Variants in XKR9 observed in about 807,000 individuals in gnomAD.
XKR9 encodes XK-related protein 9.
XKR9 carries 32 observed loss-of-function variants against 32.0 expected under a neutral mutation model. The ratio of observed to expected loss-of-function variants is 1.00; its 90% confidence interval spans 0.76 to 1.34. The LOEUF (loss-of-function observed/expected upper bound fraction) is 1.34, where lower values mean the gene tolerates loss of function less well. XKR9 is among the 40% of genes most tolerant of loss of function. The probability of loss-of-function intolerance (pLI) is 0.00; values close to 1 mark genes in which losing one functional copy is unlikely to be tolerated. For synonymous variants in XKR9, 168 were observed against 143.4 expected, an observed-to-expected ratio of 1.17 and a Z score of -1.22; for missense variants, 546 against 429.7, an observed-to-expected ratio of 1.27 and a Z score of -2.39.
chr8:70,900,288 G>T, the XKR9 span, among the ~76,000 whole-genome samples: 3 of 152,116 alleles, frequency 2.0e-5, no homozygotes, highest in East Asian at 5.8e-4. Context: ...TGCAAAAATG[G>T]TGAATTAAAA....
the XKR9 span, among the ~76,000 whole-genome samples, chr8:70,900,175 C>T: frequency 3.9e-5 from 6 of 152,066 alleles, no homozygotes; most frequent in African/African-American, 1.4e-4. Context: ...TTACTTCCCA[C>T]TCCCAAACCC....
the XKR9 span, among the ~76,000 whole-genome samples, chr8:70,961,609 T>C: frequency 6.6e-6 from 1 of 152,236 alleles, no homozygotes; most frequent in Non-Finnish European, 1.5e-5. Context: ...AATATCTATA[T>C]ACATTTCTTT....
chr8:71,059,771 T>C, the XKR9 span, among the ~76,000 whole-genome samples: 2 of 152,192 alleles, frequency 1.3e-5, no homozygotes, highest in African/African-American at 4.8e-5. Context: ...TCCCCTACCC[T>C]GTACCCTTTT....
At chr8:70,697,337 T>G (rs904031017) in intron 3 of XKR9, among the ~76,000 whole-genome samples, 1 of 151,310 alleles carries the variant, frequency 6.6e-6, no homozygotes, top group African/African-American at 2.4e-5. Flanking sequence ...AGATAGCTCT[T>G]ATTATTTTGA....
intron 2 of XKR9, among the ~76,000 whole-genome samples, chr8:70,772,297 A>G (rs772169892): frequency 2.6e-5 from 4 of 152,228 alleles, no homozygotes; most frequent in Non-Finnish European, 4.4e-5. Flanking sequence ...ATCTCTGAAC[A>G]GAAGATTTGT....
At chr8:70,765,193 A>C (rs1586889296) in intron 2 of XKR9, among the ~76,000 whole-genome samples, 1 of 152,126 alleles carries the variant, frequency 6.6e-6, no homozygotes, top group Non-Finnish European at 1.5e-5. Context: ...GGTTGAACTA[A>C]TTTACACTCC....
chr8:70,691,240 C>T (rs1019260171), intron 3 of XKR9, among the ~76,000 whole-genome samples: 1 of 152,100 alleles, frequency 6.6e-6, no homozygotes, highest in Admixed American at 6.5e-5. Flanking sequence ...TGTCCTTTGC[C>T]CACTTTTTAA....
chr8:70,743,289 A>G (rs1371496619), intron 2 of XKR9, among the ~76,000 whole-genome samples: 9 of 152,052 alleles, frequency 5.9e-5, no homozygotes, highest in East Asian at 3.8e-4. Context: ...GTATTTTTAT[A>G]TATCATAAGC....
chr8:71,065,793 G>T, the XKR9 span, among the ~76,000 whole-genome samples: 1 of 152,120 alleles, frequency 6.6e-6, no homozygotes, highest in South Asian at 2.1e-4. Context: ...AAAATAAAGA[G>T]ATTTCAGCAA....
At chr8:70,956,539 G>T in the XKR9 span, among the ~76,000 whole-genome samples, 1 of 152,114 alleles carries the variant, frequency 6.6e-6, no homozygotes, top group Non-Finnish European at 1.5e-5. Context: ...ATTTCACTGG[G>T]GACCTTCCCC....
At chr8:70,767,379 AT>A (rs1363795855) in intron 2 of XKR9, among the ~76,000 whole-genome samples, 6 of 150,318 alleles carry the variant, frequency 4.0e-5, no homozygotes, top group African/African-American at 1.5e-4. Flanking sequence ...TTTGTAATTT[AT>A]TTGCGTAGAG....
intron 2 of XKR9, among the ~76,000 whole-genome samples, chr8:70,741,408 T>G (rs976274976): frequency 1.3e-5 from 2 of 152,220 alleles, no homozygotes; most frequent in African/African-American, 4.8e-5. Flanking sequence ...AAACCATTAG[T>G]GAAGTAAACT....
At chr8:70,986,240 G>T in the XKR9 span, among the ~76,000 whole-genome samples, 1 of 152,162 alleles carries the variant, frequency 6.6e-6, no homozygotes, top group Non-Finnish European at 1.5e-5. Context: ...TAACCTCTCT[G>T]TCTTAGCTTT....
chr8:70,802,044 C>T, the XKR9 span, among the ~76,000 whole-genome samples: 38 of 151,666 alleles, frequency 2.5e-4, 1 homozygote, highest in African/African-American at 8.9e-4. Flanking sequence ...TCACGCCATT[C>T]TCCTGCCTCA....
chr8:70,822,237 TA>T, the XKR9 span, among the ~76,000 whole-genome samples: 15 of 152,172 alleles, frequency 9.9e-5, no homozygotes, highest in Admixed American at 9.2e-4. Context: ...ACATAACATT[TA>T]TTTTTTTATC....
the XKR9 span, among the ~76,000 whole-genome samples, chr8:70,879,011 C>T: frequency 2.0e-5 from 3 of 152,182 alleles, no homozygotes; most frequent in African/African-American, 7.2e-5. Context: ...TCACTCAAAA[C>T]CGCATAACTA....
chr8:70,969,072 G>A, the XKR9 span, among the ~76,000 whole-genome samples: 1 of 152,150 alleles, frequency 6.6e-6, no homozygotes, highest in Admixed American at 6.5e-5. Flanking sequence ...GCTTACTTTT[G>A]GCAGTGAGCA....
the XKR9 span, among the ~76,000 whole-genome samples, chr8:70,844,902 G>A: frequency 6.6e-6 from 1 of 152,162 alleles, no homozygotes. Context: ...CTATCCAGGG[G>A]ACCAAGGATC....
chr8:70,943,736 C>A, the XKR9 span, among the ~76,000 whole-genome samples: 2 of 151,940 alleles, frequency 1.3e-5, no homozygotes, highest in Admixed American at 1.3e-4. Context: ...ACTTGGGTAC[C>A]ATATTTCTAG....
Sources: allele counts gnomAD v4.1 joint callset (sites outside exome capture counted in the v4.1 genomes callset), GRCh38; gene constraint gnomAD v4.1.1; transcripts MANE v1.5; gene names NCBI Gene and HGNC (gene_info 2026-07-23, HGNC 2026-07-21).